MACROD2: variants seen among roughly 807,000 people sequenced by gnomAD.
The protein encoded by MACROD2 is mono-ADP ribosylhydrolase 2, also known as ADP-ribose glycohydrolase MACROD2.
MACROD2 carries 36 observed loss-of-function variants against 70.4 expected under a neutral mutation model. That is an observed-to-expected ratio of 0.51 (90% confidence interval 0.39 to 0.68). MACROD2 has a LOEUF of 0.68. Ranked by LOEUF, MACROD2 falls within the 30% of genes least tolerant of loss-of-function variation. The probability of loss-of-function intolerance (pLI) is 0.00; values close to 1 mark genes in which losing one functional copy is unlikely to be tolerated. For synonymous variants in MACROD2, 172 were observed against 178.8 expected, an observed-to-expected ratio of 0.96 and a Z score of 0.30; for missense variants, 496 against 538.4, an observed-to-expected ratio of 0.92 and a Z score of 0.78.
intron 3 of MACROD2, among the ~76,000 whole-genome samples, chr20:14,153,310 A>G (rs2055051421): frequency 6.6e-6 from 1 of 152,230 alleles, no homozygotes; most frequent in South Asian, 2.1e-4. Flanking sequence ...AATCCAATGC[A>G]AAACCGTCCT....
intron 15 of MACROD2, among the ~76,000 whole-genome samples, chr20:16,025,156 A>C (rs948323736): frequency 2.6e-5 from 4 of 152,186 alleles, no homozygotes; most frequent in Non-Finnish European, 5.9e-5. Flanking sequence ...TATGATAGGG[A>C]AAGTTTCTTG....
intron 3 of MACROD2, among the ~76,000 whole-genome samples, chr20:14,183,309 C>T (rs2081319445): frequency 6.6e-6 from 1 of 151,754 alleles, no homozygotes; most frequent in Non-Finnish European, 1.5e-5. Context: ...TGTTAGTTTG[C>T]TAAGGATAAT....
At chr20:14,979,533 A>G (rs2074777925) in intron 5 of MACROD2, among the ~76,000 whole-genome samples, 1 of 152,236 alleles carries the variant, frequency 6.6e-6, no homozygotes, top group Admixed American at 6.5e-5. Context: ...TAAAAAGAGC[A>G]AAGTTTAAAT....
intron 3 of MACROD2, among the ~76,000 whole-genome samples, chr20:14,188,833 C>G (rs2081364232): frequency 6.6e-6 from 1 of 152,112 alleles, no homozygotes; most frequent in African/African-American, 2.4e-5. Flanking sequence ...ACACAGCCTA[C>G]ATTTTCATCT....
At chr20:15,348,670 G>A (rs1308326267) in intron 6 of MACROD2, among the ~76,000 whole-genome samples, 5 of 152,222 alleles carry the variant, frequency 3.3e-5, no homozygotes, top group South Asian at 2.1e-4. Context: ...CTTACATGGT[G>A]GGAAGCAAGA....
chr20:14,928,413 A>G (rs143566327), intron 5 of MACROD2, among the ~76,000 whole-genome samples: 67 of 152,320 alleles, frequency 4.4e-4, no homozygotes, highest in African/African-American at 1.6e-3. Context: ...AGGATTTAGA[A>G]TTCACTAAAA....
chr20:15,939,806 C>A (rs998038057), intron 12 of MACROD2, among the ~76,000 whole-genome samples: 1 of 151,888 alleles, frequency 6.6e-6, no homozygotes, highest in African/African-American at 2.4e-5. Flanking sequence ...TAAGAATATT[C>A]CTGAGAGAAG....
At chr20:14,402,491 G>T (rs2083647779) in intron 3 of MACROD2, among the ~76,000 whole-genome samples, 1 of 152,002 alleles carries the variant, frequency 6.6e-6, no homozygotes, top group Admixed American at 6.6e-5. Flanking sequence ...TCACATCATA[G>T]GGGAAATGTA....
chr20:14,541,969 T>C (rs2085438892), intron 4 of MACROD2, among the ~76,000 whole-genome samples: 2 of 152,222 alleles, frequency 1.3e-5, no homozygotes, highest in Non-Finnish European at 1.5e-5. Context: ...GGGAGACTTA[T>C]AGGCCCAATT....
chr20:15,290,373 AGTGTTG>A (rs2077530810), intron 6 of MACROD2, among the ~76,000 whole-genome samples: 2 of 152,206 alleles, frequency 1.3e-5, no homozygotes, highest in Non-Finnish European at 1.5e-5. Flanking sequence ...CATTATGCAG[AGTGTTG>A]ATTTGGAGGG....
intron 4 of MACROD2, among the ~76,000 whole-genome samples, chr20:14,638,836 G>C (rs754528221): frequency 5.9e-5 from 9 of 152,036 alleles, no homozygotes; most frequent in East Asian, 5.8e-4. Flanking sequence ...TGTAGTCCTA[G>C]CTACTCGGGA....
chr20:15,115,559 A>G (rs1196145076), intron 5 of MACROD2, among the ~76,000 whole-genome samples: 2 of 152,084 alleles, frequency 1.3e-5, no homozygotes, highest in Non-Finnish European at 1.5e-5. Flanking sequence ...TCTCATCACT[A>G]AGTGTTACCC....
chr20:15,307,791 CAT>C (rs1491078011), intron 6 of MACROD2, among the ~76,000 whole-genome samples: 3 of 151,974 alleles, frequency 2.0e-5, no homozygotes, highest in Admixed American at 2.0e-4. Flanking sequence ...TAACATATTA[CAT>C]TTTTTGTCAT....
intron 5 of MACROD2, among the ~76,000 whole-genome samples, chr20:15,046,955 A>G (rs1028107160): frequency 8.5e-5 from 13 of 152,190 alleles, no homozygotes; most frequent in Non-Finnish European, 1.3e-4. Flanking sequence ...TCTGATTAAC[A>G]GCTGCTGTGA....
At chr20:14,574,290 A>C (rs1213659028) in intron 4 of MACROD2, among the ~76,000 whole-genome samples, 2 of 151,924 alleles carry the variant, frequency 1.3e-5, no homozygotes, top group East Asian at 3.9e-4. Flanking sequence ...TCTTGAATTG[A>C]CTCATTCAGA....
intron 13 of MACROD2, among the ~76,000 whole-genome samples, chr20:15,972,288 G>A (rs1452646960): frequency 2.0e-5 from 3 of 152,090 alleles, no homozygotes; most frequent in African/African-American, 7.2e-5. Flanking sequence ...GGTGAATGTG[G>A]GAGAAAGGGA....
intron 6 of MACROD2, among the ~76,000 whole-genome samples, chr20:15,243,478 A>AT (rs2077077925): frequency 6.6e-6 from 1 of 152,178 alleles, no homozygotes; most frequent in East Asian, 1.9e-4. Flanking sequence ...AACAGTCCTC[A>AT]TTTTTCTTGG....
intron 10 of MACROD2, among the ~76,000 whole-genome samples, chr20:15,931,366 G>C (rs2065573773): frequency 6.6e-6 from 1 of 152,142 alleles, no homozygotes; most frequent in African/African-American, 2.4e-5. Context: ...TTCAGGCCAG[G>C]TGTGGTGTCT....
chr20:14,284,458 C>A (rs960107359), intron 3 of MACROD2, among the ~76,000 whole-genome samples: 1 of 152,184 alleles, frequency 6.6e-6, no homozygotes, highest in African/African-American at 2.4e-5. Context: ...CCCTCTGAAA[C>A]CCTCTGGATA....
Sources: gnomAD v4.1 joint callset for allele counts (sites outside exome capture counted in the v4.1 genomes callset) on GRCh38, gnomAD v4.1.1 for gene constraint, MANE v1.5 for transcripts, NCBI Gene and HGNC (gene_info 2026-07-23, HGNC 2026-07-21) for gene names.